The following UGGT2 variants were observed in gnomAD, a reference collection of about 807,000 sequenced individuals.
UGGT2 encodes UDP-glucose:glycoprotein glucosyltransferase 2.
UGGT2 carries 180 observed loss-of-function variants against 192.1 expected under a neutral mutation model. The observed-to-expected ratio is 0.94, with a 90% CI of 0.83 to 1.06. The LOEUF (loss-of-function observed/expected upper bound fraction) is 1.06. Among genes scored for constraint, UGGT2 ranks in the 50% least tolerant of loss-of-function variants. The probability of loss-of-function intolerance (pLI) is 0.00; values close to 1 mark genes in which losing one functional copy is unlikely to be tolerated. For synonymous variants in UGGT2, 580 were observed against 591.0 expected (o/e 0.98, Z 0.27); for missense variants, 1,849 against 1,795.7 (o/e 1.03, Z -0.54).
intron 1 of UGGT2, among the ~76,000 whole-genome samples, chr13:96,037,818 C>T (rs952995803): frequency 1.8e-4 from 28 of 152,154 alleles, no homozygotes; most frequent in Non-Finnish European, 3.2e-4. Context: ...GCTTTTCCTA[C>T]AATTTTAAGA....
At chr13:95,934,941 G>A (rs1456830033) in intron 17 of UGGT2, among the ~76,000 whole-genome samples, 2 of 152,288 alleles carry the variant, frequency 1.3e-5, no homozygotes, top group East Asian at 3.9e-4. Flanking sequence ...GAATCTGGGT[G>A]CTCCAGTGTT....
chr13:96,005,643 G>C (rs2051950095), intron 5 of UGGT2, among the ~76,000 whole-genome samples: 1 of 152,174 alleles, frequency 6.6e-6, no homozygotes. Context: ...ATACCTGCCA[G>C]GCCCAACATT....
In UGGT2 at chr13:95,902,840, A is replaced by G. The variant is rs1179058665; in HGVS notation, c.2502+14T>C. 2 of 1,605,486 alleles carry G rather than the reference A, an allele frequency of 1.2e-6. No homozygotes were observed. The highest frequency in any genetic ancestry group is 2.2e-5 in the South Asian group (2 of 89,584). On this transcript the variant is annotated intron_variant, in intron 21 of 38. Coordinates refer to ENST00000376747, the MANE Select transcript of UGGT2 (RefSeq NM_020121.4). ...GCAATACATACATATTTAATATTTC[A>G]AATAGCTACTGACCTCAATAAGGAA...
chr13:95,979,552 A>AAAAAAAAC, intron 10 of UGGT2, among the ~76,000 whole-genome samples: 1 of 151,178 alleles, frequency 6.6e-6, no homozygotes, highest in Non-Finnish European at 1.5e-5. Flanking sequence ...CTTACGCAAA[A>AAAAAAAAC]AAAAAAAAAA....
chr13:95,951,609 T>C (rs1489247751), intron 12 of UGGT2, among the ~76,000 whole-genome samples: 1 of 152,230 alleles, frequency 6.6e-6, no homozygotes, highest in African/African-American at 2.4e-5. Flanking sequence ...GACTCTCAAC[T>C]ACAGTGCAAC....
intron 37 of UGGT2, among the ~76,000 whole-genome samples, chr13:95,836,050 TG>T (rs199877862): frequency 1.3e-5 from 2 of 151,518 alleles, no homozygotes; most frequent in African/African-American, 2.4e-5. Flanking sequence ...CCTTTTTTTT[TG>T]TTTGTTTGTT....
chr13:95,944,137 ATTTCT>A (rs2049786373), intron 15 of UGGT2, among the ~76,000 whole-genome samples: 1 of 151,814 alleles, frequency 6.6e-6, no homozygotes, highest in African/African-American at 2.4e-5. Context: ...TACCTGCTGG[ATTTCT>A]TTTGTTAATA....
intron 27 of UGGT2, among the ~76,000 whole-genome samples, chr13:95,881,494 C>G (rs1480541460): frequency 1.3e-5 from 2 of 152,100 alleles, no homozygotes; most frequent in East Asian, 3.9e-4. Context: ...CTAAGATGAA[C>G]AGTGTTCATC....
At chr13:95,970,707 ATTTT>A (rs1287086980) in intron 11 of UGGT2, among the ~76,000 whole-genome samples, 1 of 152,156 alleles carries the variant, frequency 6.6e-6, no homozygotes. Context: ...ACAAATTTAA[ATTTT>A]TTATTACATA....
chr13:95,920,711 G>GA (rs1200279372), intron 20 of UGGT2, among the ~76,000 whole-genome samples: 1 of 152,146 alleles, frequency 6.6e-6, no homozygotes, highest in African/African-American at 2.4e-5. Context: ...CAAGGTTGCA[G>GA]AAAAAAGAGA....
At chr13:96,051,135 C>G (rs1200913924) in intron 1 of UGGT2, among the ~76,000 whole-genome samples, 2 of 152,096 alleles carry the variant, frequency 1.3e-5, no homozygotes, top group African/African-American at 2.4e-5. Flanking sequence ...ATATACACCA[C>G]GGAATACTAT....
rs200422687 is a variant in UGGT2, at chr13:95,837,143, C to A, written c.4344G>T (p.Leu1448=). 8 of 1,613,952 alleles carry A rather than the reference C, an allele frequency of 5.0e-6. No individual in the cohort carries two copies. The Admixed American group carries it at 1.3e-4, about 27-fold the overall frequency. The change falls in exon 37 of 39, where the codon CTG becomes CTT. Residue 1448 remains leucine (L), a synonymous_variant. Transcript: ENST00000376747. The part of the protein sequence containing the change: ...VAIKSLPQDW[L]WCETWCDDES... ...CATCATCACACCAGGTTTCACACCA[C>A]AGCCAGTCTTGAGGAAGAGACTTAA...
At chr13:95,879,365 T>C (rs2047427447) in intron 27 of UGGT2, among the ~76,000 whole-genome samples, 1 of 152,212 alleles carries the variant, frequency 6.6e-6, no homozygotes, top group Non-Finnish European at 1.5e-5. Context: ...TTCTTTCTAG[T>C]GAATATTTTA....
intron 36 of UGGT2, among the ~76,000 whole-genome samples, chr13:95,841,709 T>C (rs1049075393): frequency 6.6e-6 from 1 of 152,248 alleles, no homozygotes; most frequent in Non-Finnish European, 1.5e-5. Context: ...TGCTAATTTA[T>C]CTTTTTCTTT....
At chr13:95,881,140 G>A (rs1223456770) in intron 27 of UGGT2, among the ~76,000 whole-genome samples, 2 of 152,082 alleles carry the variant, frequency 1.3e-5, no homozygotes, top group Admixed American at 6.5e-5. Context: ...GCAATGAGCC[G>A]AGATCACGCC....
intron 20 of UGGT2, among the ~76,000 whole-genome samples, chr13:95,904,973 T>G (rs993476916): frequency 3.9e-5 from 6 of 152,048 alleles, no homozygotes; most frequent in African/African-American, 1.4e-4. Flanking sequence ...TCCTGACTTT[T>G]TAATGATCGC....
chr13:95,859,713 G>A, intron 32 of UGGT2, 38 bp from the exon 33 acceptor site: 1 of 1,411,186 alleles, frequency 7.1e-7, no homozygotes, highest in Non-Finnish European at 9.7e-7. Flanking sequence ...TACATTAACA[G>A]TAACAGGAGC....
intron 20 of UGGT2, among the ~76,000 whole-genome samples, chr13:95,910,764 C>T (rs2048467092): frequency 1.3e-5 from 2 of 152,188 alleles, no homozygotes. Flanking sequence ...GAACTCTCCA[C>T]CCCAAATCAA....
intron 36 of UGGT2, among the ~76,000 whole-genome samples, chr13:95,838,276 C>T (rs150384046): frequency 3.9e-4 from 60 of 152,188 alleles, no homozygotes; most frequent in African/African-American, 1.4e-3. Context: ...ATGAAAACTA[C>T]AAAATTCTGA....
Sources: allele counts gnomAD v4.1 joint callset (sites outside exome capture counted in the v4.1 genomes callset), GRCh38; gene constraint gnomAD v4.1.1; transcripts MANE v1.5; gene names NCBI Gene and HGNC (gene_info 2026-07-23, HGNC 2026-07-21).